Variants in TPTE2 observed in about 807,000 individuals in gnomAD.
TPTE2 encodes transmembrane phosphoinositide 3-phosphatase and tensin homolog 2.
Under a neutral mutation model 78.6 loss-of-function variants are expected in TPTE2, and 53 were observed. That is an observed-to-expected ratio of 0.67 (90% confidence interval 0.54 to 0.85). The LOEUF is 0.85. Ranked by LOEUF, TPTE2 falls within the 40% of genes least tolerant of loss-of-function variation. TPTE2 has a pLI of 0.00. For synonymous variants in TPTE2, 175 were observed against 206.2 expected, an observed-to-expected ratio of 0.85 and a Z score of 1.30; for missense variants, 461 against 623.0, an observed-to-expected ratio of 0.74 and a Z score of 2.77.
rs1188317774 is a variant in TPTE2, at chr13:19,535,214, C to CAA, written c.-44+1380_-44+1381dup. 8.6e-5 allele frequency among the ~76,000 whole-genome samples: 3 copies of CAA among 34,868 alleles called. No homozygotes were observed. Among genetic ancestry groups the CAA allele is most frequent in the African/African-American group, 2.5e-4 (2 of 7,970 alleles). The allele number at this position is 34,868 out of a possible 152,430, so 22.9% of individuals were successfully genotyped here. A position where few individuals can be genotyped will look rare whatever the true frequency, so the allele number is the denominator to read the frequency against. On this transcript the variant is annotated intron_variant, in intron 1 of 17. Coordinates refer to the TPTE2 transcript ENST00000390680. The surrounding 1 kb of genome is among the most constrained non-coding windows in gnomAD (Gnocchi z 5.1). The stretch of plus-strand genomic sequence containing the variant: ...TGAGATTCCTTCTCAAAAAAACAAA[C>CAA]AAACAAAAAAATATATATATATATA...
At chr13:19,453,383 C>G (rs1179222606) in intron 10 of TPTE2, among the ~76,000 whole-genome samples, 1 of 151,862 alleles carries the variant, frequency 6.6e-6, no homozygotes, top group Non-Finnish European at 1.5e-5. Context: ...TTATGTGCAG[C>G]CTTCCTTAGT....
chr13:19,507,274 A>G (rs563892400), upstream of TPTE2, among the ~76,000 whole-genome samples: 137 of 150,546 alleles, frequency 9.1e-4, no homozygotes, highest in African/African-American at 3.2e-3. Context: ...ATTAGCTACA[A>G]TAACCCTACA....
chr13:19,425,092 T>C, intron 18 of TPTE2, 75 bp from the exon 22 acceptor site: 1 of 683,910 alleles, frequency 1.5e-6, no homozygotes, highest in Non-Finnish European at 2.4e-6. Flanking sequence ...AGTTCCTTTC[T>C]TTATTCCTTT....
the TPTE2 span, among the ~76,000 whole-genome samples, chr13:19,543,700 A>C: frequency 1.3e-5 from 2 of 152,176 alleles, no homozygotes; most frequent in Non-Finnish European, 2.9e-5. Flanking sequence ...CAAGAATACT[A>C]TACAAATTAT....
At chr13:19,461,303 C>T (rs1226096553) in intron 10 of TPTE2, among the ~76,000 whole-genome samples, 3 of 152,068 alleles carry the variant, frequency 2.0e-5, no homozygotes, top group Admixed American at 2.0e-4. Flanking sequence ...TTTTAACTGA[C>T]ACATAATACT....
chr13:19,470,290 C>T (rs4769634), intron 6 of TPTE2, among the ~76,000 whole-genome samples: 112,619 of 152,100 alleles, frequency 0.74, 44,322 homozygotes, highest in East Asian at 0.96. Context: ...AATGATCTTA[C>T]GGTTTTTATC....
rs1269993012 is a variant in TPTE2 at position 19,489,516 on chromosome 13, G to GAT, written c.119+3332_119+3333dup. The stretch of plus-strand genomic sequence containing the variant: ...ACACATGCTCATATATATATTAGAG[G>GAT]ATATATATATGACTACTGATGTTAT... On this transcript the variant is annotated intron_variant, in intron 3 of 19. Coordinates refer to ENST00000400230, the Ensembl canonical transcript of TPTE2. Among the ~76,000 whole-genome samples, 4 of 149,180 alleles carry GAT rather than the reference G, an allele frequency of 2.7e-5. No individual in the cohort carries two copies. In the East Asian group the frequency reaches 5.9e-4, roughly 22 times the overall value.
chr13:19,540,280 C>CATTATTATTATT (rs141067657), upstream of TPTE2, among the ~76,000 whole-genome samples: 1,864 of 145,060 alleles, frequency 0.013, 23 homozygotes, highest in African/African-American at 0.029. Flanking sequence ...AATTAAATCT[C>CATTATTATTATT]ATTATTATTA....
intron 15 of TPTE2, among the ~76,000 whole-genome samples, chr13:19,434,473 T>C (rs1300720897): frequency 2.0e-5 from 3 of 152,232 alleles, no homozygotes; most frequent in Non-Finnish European, 4.4e-5. Context: ...TTTAGTTTAT[T>C]GCCATTGGCA....
chr13:19,526,679 A>G (rs575289354), intron 1 of TPTE2, among the ~76,000 whole-genome samples: 11 of 152,332 alleles, frequency 7.2e-5, no homozygotes, highest in Non-Finnish European at 1.5e-4. Flanking sequence ...CAAAATTTAC[A>G]TATATAACAA....
intron 13 of TPTE2, among the ~76,000 whole-genome samples, chr13:19,447,808 T>C (rs1233739387): frequency 1.3e-5 from 2 of 152,168 alleles, no homozygotes; most frequent in Non-Finnish European, 2.9e-5. Context: ...ATTGGTTGGA[T>C]TTACAAATGG....
Position 19,465,328 on chromosome 13 carries a change from T to A in TPTE2, c.613-10A>T. 2.5e-6 allele frequency: 4 copies of A among 1,613,848 alleles called. No individual in the cohort carries two copies. Among genetic ancestry groups the A allele is most frequent in the Non-Finnish European group, 2.5e-6 (3 of 1,179,818 alleles). On this transcript the variant is annotated splice_polypyrimidine_tract_variant and intron_variant, in intron 8 of 19. Transcript: ENST00000400230. ...TTTTGTTTTCTGAAACCTGAGAGTT[T>A]AAAATCATCATTAGTTTGTGAAACA...
intron 1 of TPTE2, among the ~76,000 whole-genome samples, chr13:19,523,358 C>T (rs889818368): frequency 6.6e-6 from 1 of 151,924 alleles, no homozygotes; most frequent in Non-Finnish European, 1.5e-5. Flanking sequence ...TGGATATTTT[C>T]AGAGATCTGA....
intron 1 of TPTE2, among the ~76,000 whole-genome samples, chr13:19,494,004 G>T (rs1387348248): frequency 6.6e-6 from 1 of 152,156 alleles, no homozygotes; most frequent in African/African-American, 2.4e-5. Context: ...AGTTCTGGAG[G>T]GTGGAGAACA....
rs150882456 is a variant in TPTE2 at position 19,491,773 on chromosome 13, C to T, written c.119+1077G>A. On this transcript the variant is annotated intron_variant, in intron 3 of 19. Transcript: ENST00000400230. Reference sequence around the variant, plus strand: ...CCGGGAGATGGAGGTTACAGGGAGCCGAGATCGCGCCACTGCACTCCAGCT... The same window carrying T: ...CCGGGAGATGGAGGTTACAGGGAGCTGAGATCGCGCCACTGCACTCCAGCT... Among the ~76,000 whole-genome samples, 672 of 152,108 alleles carry T rather than the reference C, an allele frequency of 4.4e-3. 4 individuals carry two copies. The highest frequency in any genetic ancestry group is 0.033 in the East Asian group (172 of 5,178).
intron 13 of TPTE2, among the ~76,000 whole-genome samples, chr13:19,443,397 C>CTTT (rs71092357): frequency 3.8e-5 from 5 of 129,912 alleles, no homozygotes; most frequent in African/African-American, 1.1e-4. Context: ...TTCTTTCTTT[C>CTTT]TTTTTTTTTT....
chr13:19,502,981 A>G (rs539887342), intron 1 of TPTE2, among the ~76,000 whole-genome samples: 1 of 152,292 alleles, frequency 6.6e-6, no homozygotes, highest in East Asian at 1.9e-4. Context: ...TACAAAGGCT[A>G]CATTGAAAAG....
intron 1 of TPTE2, among the ~76,000 whole-genome samples, chr13:19,508,672 AATGTT>A (rs1448710884): frequency 6.6e-6 from 1 of 152,174 alleles, no homozygotes; most frequent in African/African-American, 2.4e-5. Context: ...AGAAAAGAAG[AATGTT>A]ATGGAGGATA....
At chr13:19,545,040 T>C in the TPTE2 span, among the ~76,000 whole-genome samples, 2 of 151,658 alleles carry the variant, frequency 1.3e-5, no homozygotes, top group Non-Finnish European at 2.9e-5. Context: ...TCTGCTCCCT[T>C]GTAACACCTA....
Sources: gnomAD v4.1 joint callset for allele counts (sites outside exome capture counted in the v4.1 genomes callset) on GRCh38, gnomAD v4.1.1 for gene constraint, Gnocchi (gnomAD v3.1) non-coding constraint, MANE v1.5 for transcripts, NCBI Gene and HGNC (gene_info 2026-07-23, HGNC 2026-07-21) for gene names.